ABTB2: variants seen among roughly 807,000 people sequenced by gnomAD.
The protein encoded by ABTB2 is ankyrin repeat and BTB domain containing 2, also known as ankyrin repeat and BTB/POZ domain-containing protein 2.
A neutral mutation model predicts 104.1 loss-of-function variants in ABTB2; 56 were observed. That is an observed-to-expected ratio of 0.54 (90% CI 0.43 to 0.67). The LOEUF (loss-of-function observed/expected upper bound fraction) is 0.67. Ranked by LOEUF, ABTB2 falls within the 30% of genes least tolerant of loss-of-function variation. The pLI is 0.00. For missense variants in ABTB2, 1,279 were observed against 1,407.7 expected, an observed-to-expected ratio of 0.91 and a Z score of 1.46; for synonymous variants, 606 against 608.2, an observed-to-expected ratio of 1.00 and a Z score of 0.05.
At chr11:34,239,571 T>C (rs12280378) in intron 1 of ABTB2, among the ~76,000 whole-genome samples, 3,172 of 152,168 alleles carry the variant, frequency 0.021, 93 homozygotes, top group African/African-American at 0.069. Context: ...GCTCAAGTGA[T>C]CTTCCCATCT....
chr11:34,280,512 G>C (rs1854437538), intron 1 of ABTB2, among the ~76,000 whole-genome samples: 1 of 152,096 alleles, frequency 6.6e-6, no homozygotes, highest in Admixed American at 6.5e-5. Flanking sequence ...TCCCAGGTCT[G>C]GGAGGCAGGA....
At chr11:34,186,997 G>C (rs116603372) in intron 3 of ABTB2, among the ~76,000 whole-genome samples, 2,214 of 152,276 alleles carry the variant, frequency 0.015, 44 homozygotes, top group African/African-American at 0.051. Context: ...CATTATTATT[G>C]ATACAACCGA....
chr11:34,167,902 C>T lies in ABTB2; in HGVS notation c.1653+1G>A. On this transcript the variant is annotated splice_donor_variant, in intron 6 of 16. Coordinates refer to ENST00000435224, the MANE Select transcript of ABTB2 (RefSeq NM_145804.3). LOFTEE classifies it high-confidence loss of function. ...GGTGCAGCTCTGTGGGGCTTCCTCA[C>T]CTGGATGTCCAAGTTTGCCCCAGCA... 1 of 1,614,222 alleles carries T rather than the reference C, an allele frequency of 6.2e-7. No individual in the cohort carries two copies.
chr11:34,279,031 A>G (rs182620751), intron 1 of ABTB2, among the ~76,000 whole-genome samples: 68 of 152,362 alleles, frequency 4.5e-4, no homozygotes, highest in African/African-American at 1.6e-3. Flanking sequence ...CTCCATGGGT[A>G]TAATGTGTCT....
intron 10 of ABTB2, 110 bp from the exon 11 acceptor site, chr11:34,161,191 G>A (rs1180527288): frequency 1.7e-6 from 2 of 1,191,854 alleles, no homozygotes; most frequent in Admixed American, 2.9e-5. Context: ...GCTGTCTGCA[G>A]AGCACCCCGC....
At chr11:34,301,252 T>C (rs1590247571) in intron 1 of ABTB2, among the ~76,000 whole-genome samples, 1 of 152,188 alleles carries the variant, frequency 6.6e-6, no homozygotes, top group Admixed American at 6.5e-5. Flanking sequence ...TAAACAGTGC[T>C]TCCTTCTTTC....
intron 14 of ABTB2, among the ~76,000 whole-genome samples, chr11:34,156,179 G>A (rs915251943): frequency 2.4e-4 from 36 of 152,256 alleles, no homozygotes; most frequent in African/African-American, 6.0e-4. Context: ...CTTGGCATCC[G>A]TGGCACATGG....
intron 1 of ABTB2, among the ~76,000 whole-genome samples, chr11:34,354,750 GT>G (rs1285308118): frequency 2.0e-5 from 3 of 152,206 alleles, no homozygotes; most frequent in African/African-American, 7.2e-5. Context: ...ATGAATATAT[GT>G]TTTTGTTTTG....
intron 4 of ABTB2, among the ~76,000 whole-genome samples, chr11:34,172,247 C>T (rs1852884163): frequency 6.6e-6 from 1 of 151,154 alleles, no homozygotes; most frequent in Non-Finnish European, 1.5e-5. Flanking sequence ...TGGTGCGTGC[C>T]TGTAATTCCA....
intron 1 of ABTB2, among the ~76,000 whole-genome samples, chr11:34,257,985 C>A (rs912306488): frequency 2.6e-5 from 4 of 152,126 alleles, no homozygotes; most frequent in African/African-American, 9.7e-5. Context: ...CAGTCACAGG[C>A]CATGCTACCC....
chr11:34,203,431 C>A (rs1036712835), intron 2 of ABTB2, among the ~76,000 whole-genome samples: 1 of 152,174 alleles, frequency 6.6e-6, no homozygotes, highest in Non-Finnish European at 1.5e-5. Flanking sequence ...CAAGAACTCA[C>A]CAAAGCATGA....
At position 34,190,476 on chromosome 11, in the gene ABTB2, T is replaced by C. The variant is rs143760266; in HGVS notation, c.1244+6849A>G. Among the ~76,000 whole-genome samples, 569 of 152,240 alleles carry C rather than the reference T, an allele frequency of 3.7e-3. 1 individual carries two copies. The highest frequency in any genetic ancestry group is 6.1e-3 in the Non-Finnish European group (415 of 68,014). On this transcript the variant is annotated intron_variant, in intron 3 of 16. Coordinates refer to ENST00000435224, the MANE Select transcript of ABTB2 (RefSeq NM_145804.3). ...TGTTTACTTCCGTCTTGCTTTTGTCTCCCTCATTAGGCTGGAGACTCATAA... is the reference window on the plus strand; with the variant it reads ...TGTTTACTTCCGTCTTGCTTTTGTCCCCCTCATTAGGCTGGAGACTCATAA...
chr11:34,278,548 C>T (rs1854412300), intron 1 of ABTB2, among the ~76,000 whole-genome samples: 1 of 152,136 alleles, frequency 6.6e-6, no homozygotes. Flanking sequence ...TCACCCTAAT[C>T]CCTGATAGAG....
intron 16 of ABTB2, 107 bp from the exon 17 acceptor site, chr11:34,152,691 A>T: frequency 8.7e-7 from 1 of 1,146,554 alleles, no homozygotes; most frequent in Non-Finnish European, 1.2e-6. Flanking sequence ...ATTAAGCCCC[A>T]CTCTGGCCAG....
intron 3 of ABTB2, among the ~76,000 whole-genome samples, chr11:34,185,484 G>A (rs1853084807): frequency 6.6e-6 from 1 of 152,230 alleles, no homozygotes; most frequent in Non-Finnish European, 1.5e-5. Flanking sequence ...TCTGTGCCAG[G>A]TGGGTGTGAG....
chr11:34,291,907 T>G (rs138572690), intron 1 of ABTB2, among the ~76,000 whole-genome samples: 3 of 150,432 alleles, frequency 2.0e-5, no homozygotes, highest in South Asian at 2.1e-4. Flanking sequence ...AATAAGAGGT[T>G]TTTTTTTTTG....
At chr11:34,266,696 C>A (rs972336246) in intron 1 of ABTB2, among the ~76,000 whole-genome samples, 2 of 152,102 alleles carry the variant, frequency 1.3e-5, no homozygotes, top group Non-Finnish European at 2.9e-5. Flanking sequence ...GGGCTGAAAA[C>A]TCTGATGACT....
At chr11:34,169,801 A>T (rs1470519004) in intron 5 of ABTB2, among the ~76,000 whole-genome samples, 3 of 151,888 alleles carry the variant, frequency 2.0e-5, no homozygotes, top group Non-Finnish European at 4.4e-5. Flanking sequence ...TTTCCCTGGA[A>T]TCCCTTCCTG....
chr11:34,310,400 A>G (rs1854836725), intron 1 of ABTB2, among the ~76,000 whole-genome samples: 1 of 151,948 alleles, frequency 6.6e-6, no homozygotes, highest in Admixed American at 6.6e-5. Flanking sequence ...TGAGTTTCGA[A>G]TCAACTTCCA....
Sources: allele counts gnomAD v4.1 joint callset (sites outside exome capture counted in the v4.1 genomes callset), GRCh38; gene constraint gnomAD v4.1.1; transcripts MANE v1.5; gene names NCBI Gene and HGNC (gene_info 2026-07-23, HGNC 2026-07-21).